The following IRAG2 variants were observed in gnomAD, a reference collection of about 807,000 sequenced individuals.
IRAG2 encodes inositol 1,4,5-triphosphate receptor associated 2.
Under a neutral mutation model 69.9 loss-of-function variants are expected in IRAG2, and 45 were observed. The ratio of observed to expected loss-of-function variants is 0.64; its 90% CI spans 0.51 to 0.83. IRAG2 has a LOEUF of 0.83. IRAG2 is among the 40% of genes least tolerant of loss of function. IRAG2 has a pLI of 0.00. For missense variants in IRAG2, 520 were observed against 587.0 expected (o/e 0.89, Z 1.18); for synonymous variants, 193 against 202.4 (o/e 0.95, Z 0.40).
chr12:25,013,759 A>T (rs1291177387), intron 3 of IRAG2, among the ~76,000 whole-genome samples: 1 of 152,046 alleles, frequency 6.6e-6, no homozygotes, highest in Non-Finnish European at 1.5e-5. Context: ...CATGTAGTAT[A>T]ATCCCATTTT....
intron 1 of IRAG2, among the ~76,000 whole-genome samples, chr12:25,061,127 G>A (rs1945609681): frequency 1.3e-5 from 2 of 152,260 alleles, no homozygotes; most frequent in East Asian, 1.9e-4. Context: ...AGTTGAGAGT[G>A]CCATTCTCAG....
intron 6 of IRAG2, chr12:25,076,608 T>C (rs1317677868): frequency 1.0e-6 from 1 of 983,032 alleles, no homozygotes; most frequent in African/African-American, 1.7e-5. Flanking sequence ...CTCTTTCATA[T>C]TTCTTAAATA....
chr12:25,010,313 C>CA (rs1157566972), intron 2 of IRAG2, among the ~76,000 whole-genome samples: 3 of 152,048 alleles, frequency 2.0e-5, no homozygotes, highest in African/African-American at 7.2e-5. Context: ...CCCATCTGTA[C>CA]AAAAAATACA....
intron 9 of IRAG2, chr12:25,030,249 C>T (rs749699321): frequency 1.5e-5 from 18 of 1,226,644 alleles, no homozygotes; most frequent in Admixed American, 4.2e-5. Context: ...AATGTCCCAA[C>T]GGCCTTCCCT....
upstream of IRAG2, among the ~76,000 whole-genome samples, chr12:25,050,384 C>A (rs568134150): frequency 6.6e-6 from 1 of 151,858 alleles, no homozygotes; most frequent in South Asian, 2.1e-4. Flanking sequence ...AAAAAATTAG[C>A]CGGGCATGGT....
intron 3 of IRAG2, among the ~76,000 whole-genome samples, chr12:25,012,377 ACTC>A (rs909150233): frequency 5.3e-4 from 80 of 150,590 alleles, no homozygotes; most frequent in African/African-American, 1.9e-3. Context: ...CTGGTCTCGA[ACTC>A]CTGATCTCAG....
intron 6 of IRAG2, among the ~76,000 whole-genome samples, chr12:25,077,576 G>A (rs1946917212): frequency 6.6e-6 from 1 of 151,494 alleles, no homozygotes; most frequent in Non-Finnish European, 1.5e-5. Context: ...ACTTTCCTCT[G>A]TGGCATGCTG....
At chr12:25,021,534 A>G (rs1944581071) in intron 7 of IRAG2, among the ~76,000 whole-genome samples, 1 of 151,376 alleles carries the variant, frequency 6.6e-6, no homozygotes, top group Admixed American at 6.5e-5. Context: ...GCACAGGCTT[A>G]TAATTTCAGA....
chr12:25,076,395 G>A lies in IRAG2; in HGVS notation c.25-2849G>A, dbSNP rs909980437. On this transcript the variant is annotated intron_variant, in intron 6 of 21. Transcript: ENST00000556887. ...CAATGTTTCATATCTAACGTATAGGGCAAAAGAAGGCCTTACACAGAGCAT... is the reference window on the plus strand; with the variant it reads ...CAATGTTTCATATCTAACGTATAGGACAAAAGAAGGCCTTACACAGAGCAT... The A allele has an allele frequency of 1.8e-5, 18 of 974,324 alleles. No homozygotes were observed. In the African/African-American group the frequency reaches 3.0e-4, roughly 16 times the overall value. The allele number at this position is 974,324 out of a possible 1,614,324, so 60.4% of individuals were successfully genotyped here.
chr12:25,005,202 C>A, intron 1 of IRAG2: 1 of 960,348 alleles, frequency 1.0e-6, no homozygotes, highest in African/African-American at 1.7e-5. Context: ...CATTATAGCA[C>A]AGAAAGCATC....
chr12:24,998,420 G>A, the IRAG2 span, among the ~76,000 whole-genome samples: 2 of 152,134 alleles, frequency 1.3e-5, no homozygotes, highest in Admixed American at 6.5e-5. Context: ...TCCTAGAAAC[G>A]GCAGGAAGAA....
chr12:25,050,385 C>G (rs1418245820), upstream of IRAG2, among the ~76,000 whole-genome samples: 1 of 151,590 alleles, frequency 6.6e-6, no homozygotes, highest in South Asian at 2.1e-4. Context: ...AAAAATTAGC[C>G]GGGCATGGTG....
intron 19 of IRAG2, 48 bp downstream of exon 19, chr12:25,104,106 C>T: frequency 6.6e-7 from 1 of 1,520,896 alleles, no homozygotes; most frequent in Non-Finnish European, 9.1e-7. Flanking sequence ...CTATTTTATA[C>T]TTGGGCTAAC....
At chr12:25,015,166 T>C in intron 3 of IRAG2, 1 of 1,210,818 alleles carries the variant, frequency 8.3e-7, no homozygotes, top group South Asian at 4.2e-5. Flanking sequence ...TTTTTTTTTT[T>C]TTTTTTTGGC....
At chr12:25,038,166 A>G (rs1416925644) in intron 16 of IRAG2, 2 of 398,488 alleles carry the variant, frequency 5.0e-6, no homozygotes, top group Non-Finnish European at 8.9e-6. Flanking sequence ...TAAGAAATCC[A>G]TGCTTTATAT....
intron 1 of IRAG2, among the ~76,000 whole-genome samples, chr12:25,057,013 G>A (rs1048132479): frequency 6.6e-6 from 1 of 152,024 alleles, no homozygotes; most frequent in Admixed American, 6.6e-5. Context: ...TGTTAGCCTC[G>A]CTGCCTCTAT....
At chr12:25,030,546 C>A (rs568001720) in intron 10 of IRAG2, among the ~76,000 whole-genome samples, 33 of 152,218 alleles carry the variant, frequency 2.2e-4, no homozygotes, top group African/African-American at 7.0e-4. Flanking sequence ...TGCCACCAAG[C>A]CAGCTAATTT....
At chr12:25,058,508 A>C (rs185066724) in intron 1 of IRAG2, among the ~76,000 whole-genome samples, 1 of 152,296 alleles carries the variant, frequency 6.6e-6, no homozygotes, top group Non-Finnish European at 1.5e-5. Context: ...TTCTTTAATG[A>C]ACCCTGATAT....
At chr12:25,081,429 A>C (rs1947208587) in intron 9 of IRAG2, among the ~76,000 whole-genome samples, 1 of 152,194 alleles carries the variant, frequency 6.6e-6, no homozygotes, top group African/African-American at 2.4e-5. Flanking sequence ...GCACCACTGC[A>C]CTCCAGCCTG....
Sources: allele counts gnomAD v4.1 joint callset (sites outside exome capture counted in the v4.1 genomes callset), GRCh38; gene constraint gnomAD v4.1.1; transcripts MANE v1.5; gene names NCBI Gene and HGNC (gene_info 2026-07-23, HGNC 2026-07-21).